UTRN: variants seen among roughly 807,000 people sequenced by gnomAD.
The protein encoded by UTRN is dystrophin-related protein 1.
A neutral mutation model predicts 463.9 loss-of-function variants in UTRN; 283 were observed. That is an observed-to-expected ratio of 0.61 (90% CI 0.55 to 0.67). The LOEUF is 0.67. UTRN is among the 30% of genes least tolerant of loss of function. The pLI, the probability that UTRN is intolerant of heterozygous loss-of-function variation, is 0.00. For synonymous variants in UTRN, 1,442 were observed against 1,431.5 expected (o/e 1.01, Z -0.17); for missense variants, 3,922 against 4,084.3 (o/e 0.96, Z 1.08).
intron 25 of UTRN, among the ~76,000 whole-genome samples, chr6:144,475,998 C>A (rs1033627943): frequency 4.0e-5 from 6 of 151,472 alleles, no homozygotes; most frequent in African/African-American, 1.5e-4. Context: ...ATGGCTTGAG[C>A]CCAGGGGATG....
chr6:144,413,335 G>T (rs1203290453), intron 3 of UTRN, among the ~76,000 whole-genome samples: 4 of 152,156 alleles, frequency 2.6e-5, no homozygotes, highest in Admixed American at 2.6e-4. Context: ...TGCTACTAAA[G>T]ACATACTCCA....
rs149785898 is a variant in UTRN at position 144,835,690 on chromosome 6, T to C, written c.9666-90T>C. The stretch of plus-strand genomic sequence containing the variant: ...TAAGACAAACTTGGCCCAGCCACTA[T>C]CCTGTCCATCATTATTTCTACTTCC... On this transcript the variant is annotated intron_variant, in intron 69 of 74. Transcript: ENST00000367545. The C allele has an allele frequency of 2.1e-5, 33 of 1,555,306 alleles. No homozygotes were observed. The East Asian group carries it at 7.2e-4, about 34-fold the overall frequency.
At chr6:144,512,630 C>T (rs776447140) in intron 35 of UTRN, among the ~76,000 whole-genome samples, 3 of 151,812 alleles carry the variant, frequency 2.0e-5, no homozygotes, top group Non-Finnish European at 2.9e-5. Context: ...ACCTCGACCT[C>T]CCCAGGCTCA....
intron 58 of UTRN, among the ~76,000 whole-genome samples, chr6:144,759,199 G>A (rs1792357170): frequency 6.6e-6 from 1 of 151,216 alleles, no homozygotes; most frequent in African/African-American, 2.5e-5. Context: ...GTTGTGAACT[G>A]AGTTGAGAAC....
intron 48 of UTRN, among the ~76,000 whole-genome samples, 184 bp from the exon 49 acceptor site, chr6:144,554,504 G>C (rs911440261): frequency 6.6e-6 from 1 of 151,908 alleles, no homozygotes; most frequent in Non-Finnish European, 1.5e-5. Flanking sequence ...CTCAAACACC[G>C]TTTCAGAAAT....
At position 144,797,915 on chromosome 6, in the gene UTRN, G is replaced by T. The variant is rs1386061247; in HGVS notation, c.9170G>T (p.Arg3057Leu). The change falls in exon 64 of 75, where the codon CGA (arginine) becomes CTA (leucine). Residue 3057 changes from arginine (R) to leucine (L), a missense_variant. By Grantham distance (102) the Arg-to-Leu change is moderately radical. Transcript: ENST00000367545. ...QSMVWLPVLH[R>L]VAAAETAKHQ... ...ATGGTTTGGCTCCCAGTTTTACATCGAGTGGCAGCAGCGGAGACTGCAAAA... is the reference window on the plus strand; with the variant it reads ...ATGGTTTGGCTCCCAGTTTTACATCTAGTGGCAGCAGCGGAGACTGCAAAA... The T allele has an allele frequency of 2.5e-6, 4 of 1,613,994 alleles. No individual in the cohort carries two copies. In the Admixed American group the frequency reaches 6.7e-5, roughly 27 times the overall value.
intron 51 of UTRN, among the ~76,000 whole-genome samples, chr6:144,664,468 TTAC>T (rs1480557861): frequency 1.5e-3 from 186 of 124,938 alleles, no homozygotes; most frequent in African/African-American, 5.9e-3. Context: ...CTCTGTTGTC[TTAC>T]TTTTTTTTTT....
intron 51 of UTRN, among the ~76,000 whole-genome samples, chr6:144,590,828 C>T (rs1802965282): frequency 7.1e-6 from 1 of 141,086 alleles, no homozygotes; most frequent in Non-Finnish European, 1.5e-5. Context: ...ATTAGTCTCT[C>T]TCTCTCTCTC....
intron 23 of UTRN, among the ~76,000 whole-genome samples, chr6:144,472,182 C>T (rs970191439): frequency 4.6e-5 from 7 of 152,166 alleles, no homozygotes; most frequent in African/African-American, 1.7e-4. Flanking sequence ...CCTAGCCAAA[C>T]TGTAAGATAA....
At chr6:144,654,877 C>A (rs1208702127) in intron 51 of UTRN, among the ~76,000 whole-genome samples, 3 of 152,200 alleles carry the variant, frequency 2.0e-5, no homozygotes, top group African/African-American at 4.8e-5. Context: ...AATTCAGAAG[C>A]AAATCAGCTG....
intron 2 of UTRN, among the ~76,000 whole-genome samples, chr6:144,368,484 A>G (rs1779700719): frequency 6.6e-6 from 1 of 152,208 alleles, no homozygotes. Context: ...AGGAATATAC[A>G]TGATAAGCAT....
At chr6:144,829,923 A>G (rs1292315730) in intron 69 of UTRN, among the ~76,000 whole-genome samples, 2 of 152,252 alleles carry the variant, frequency 1.3e-5, no homozygotes, top group African/African-American at 2.4e-5. Context: ...TTCATGTACT[A>G]TGAGTGTGAA....
rs905127518 is a variant in UTRN at position 144,286,813 on chromosome 6, A to T, written c.-93+992A>T. Among the ~76,000 whole-genome samples, 1 of 151,538 alleles carries T rather than the reference A, an allele frequency of 6.6e-6. No individual in the cohort carries two copies. Among genetic ancestry groups the T allele is most frequent in the African/African-American group, 2.4e-5 (1 of 41,190 alleles). ...GGACCAGCACTTTATTTTACAAGGAACTGCAGAGCTCGGGTTCTAACTCCA... is the reference window on the plus strand; with the variant it reads ...GGACCAGCACTTTATTTTACAAGGATCTGCAGAGCTCGGGTTCTAACTCCA... On this transcript the variant is annotated intron_variant, in intron 1 of 74. Coordinates refer to ENST00000367545, the MANE Select transcript of UTRN (RefSeq NM_007124.3). This position sits in a 1 kb window ranked among gnomAD's most constrained non-coding sequence, Gnocchi z 4.4.
intron 54 of UTRN, among the ~76,000 whole-genome samples, chr6:144,746,493 TA>T (rs920844974): frequency 1.3e-5 from 2 of 152,120 alleles, no homozygotes; most frequent in African/African-American, 4.8e-5. Flanking sequence ...TTTTTATTTT[TA>T]TTTTTTTGAG....
intron 41 of UTRN, among the ~76,000 whole-genome samples, chr6:144,526,962 A>T (rs559553894): frequency 1.3e-4 from 19 of 151,356 alleles, no homozygotes; most frequent in Non-Finnish European, 2.4e-4. Context: ...TGCCTGGCTA[A>T]TTTTTTTTGT....
At chr6:144,346,915 A>ATCATCTATCTG (rs1381939699) in intron 2 of UTRN, among the ~76,000 whole-genome samples, 9 of 149,696 alleles carry the variant, frequency 6.0e-5, no homozygotes, top group African/African-American at 2.3e-4. Flanking sequence ...TCATCTATCT[A>ATCATCTATCTG]TCTATCGATC....
rs1230724011 is a variant in UTRN, at chr6:144,291,705, T to C, written c.-92-32T>C. 6.1e-6 allele frequency: 4 copies of C among 656,154 alleles called. No homozygotes were observed. The African/African-American group carries it at 7.5e-5, about 12-fold the overall frequency. 40.6% of individuals were successfully genotyped at this position (656,154 alleles called of 1,614,324 possible). Reference sequence around the variant, plus strand: ...CTATATAAAATATATAAATACATTTTTTCAAGTCAGTACTTTCCCTTTTCC... The same window carrying C: ...CTATATAAAATATATAAATACATTTCTTCAAGTCAGTACTTTCCCTTTTCC... On this transcript the variant is annotated intron_variant, in intron 1 of 74. Coordinates refer to ENST00000367545, the MANE Select transcript of UTRN (RefSeq NM_007124.3).
At chr6:144,583,646 T>G (rs1421799990) in intron 51 of UTRN, 1 of 561,596 alleles carries the variant, frequency 1.8e-6, no homozygotes, top group South Asian at 2.6e-5. Context: ...CTGACAGTTC[T>G]ACTGTTTCTC....
At position 144,292,630 on chromosome 6, in the gene UTRN, A is replaced by G. The variant is rs1480473039; in HGVS notation, c.79+723A>G. On this transcript the variant is annotated intron_variant, in intron 2 of 74. Transcript: ENST00000367545. ...GTATTTTTAAAAAGCTTCAAATATG[A>G]TTCTGAGACAAACTCAAAGGGGAGA... is the stretch of plus-strand genomic sequence containing the variant. 2.0e-5 allele frequency among the ~76,000 whole-genome samples: 3 copies of G among 152,336 alleles called. No homozygotes were observed. In the East Asian group the frequency reaches 5.8e-4, roughly 29 times the overall value.
Sources: allele counts gnomAD v4.1 joint callset (sites outside exome capture counted in the v4.1 genomes callset), GRCh38; gene constraint gnomAD v4.1.1; non-coding constraint Gnocchi (gnomAD v3.1); transcripts MANE v1.5; gene names NCBI Gene and HGNC (gene_info 2026-07-23, HGNC 2026-07-21).